Variants in ACVR1C observed in about 807,000 individuals in gnomAD.
ACVR1C encodes activin A receptor type 1C.
ACVR1C carries 23 observed loss-of-function variants against 57.9 expected under a neutral mutation model. The ratio of observed to expected loss-of-function variants is 0.40; its 90% CI spans 0.29 to 0.56. The LOEUF (loss-of-function observed/expected upper bound fraction) is 0.56. ACVR1C is among the 20% of genes least tolerant of loss of function. ACVR1C has a pLI of 0.50. For missense variants in ACVR1C, 480 were observed against 607.9 expected (o/e 0.79, Z 2.21); for synonymous variants, 214 against 215.3 (o/e 0.99, Z 0.05).
intron 3 of ACVR1C, among the ~76,000 whole-genome samples, chr2:157,550,936 T>G (rs919438358): frequency 2.0e-5 from 3 of 152,144 alleles, no homozygotes; most frequent in African/African-American, 4.8e-5. Flanking sequence ...AATGAATATT[T>G]TCTGCAGAAC....
Position 157,628,665 on chromosome 2 carries a change from G to C in ACVR1C, c.-21C>G, listed in dbSNP as rs766728517. 6 of 1,546,404 alleles carry C rather than the reference G, an allele frequency of 3.9e-6. No homozygotes were observed. The highest frequency in any genetic ancestry group is 2.4e-5 in the South Asian group (2 of 83,008). ...GTCATCGCCACCAGGCGGCCGCGCC[G>C]GGGCTGCGAGGCCCCAGAGCAGAGC... On this transcript the variant is annotated 5_prime_UTR_variant, in exon 1 of 9. Coordinates refer to ENST00000243349, the MANE Select transcript of ACVR1C (RefSeq NM_145259.3).
chr2:157,607,495 T>C lies in ACVR1C; in HGVS notation c.74-20078A>G, dbSNP rs182105157. Reference sequence around the variant, plus strand: ...TGAATTTTAGGATTTTTTTTATATTTCTGTGAAAATGACATTAGTATTTTG... The same window carrying C: ...TGAATTTTAGGATTTTTTTTATATTCCTGTGAAAATGACATTAGTATTTTG... On this transcript the variant is annotated intron_variant, in intron 1 of 8. Coordinates refer to ENST00000243349, the MANE Select transcript of ACVR1C (RefSeq NM_145259.3). 2.1e-4 allele frequency among the ~76,000 whole-genome samples: 32 copies of C among 151,932 alleles called. 1 individual carries two copies. The East Asian group carries it at 5.4e-3, about 26-fold the overall frequency.
At chr2:157,622,179 G>C (rs1682791262) in intron 1 of ACVR1C, among the ~76,000 whole-genome samples, 1 of 151,904 alleles carries the variant, frequency 6.6e-6, no homozygotes, top group South Asian at 2.1e-4. Flanking sequence ...AAAAATATAA[G>C]ACTTAGAAGA....
Position 157,577,700 on chromosome 2 carries a change from C to T in ACVR1C, c.304+9487G>A, listed in dbSNP as rs557585207. ...TTTAATTGAATTTGTTTTCTACACT[C>T]TGATAATCATTGTTTTTTAACTGGA... On this transcript the variant is annotated intron_variant, in intron 2 of 8. Coordinates refer to ENST00000243349, the MANE Select transcript of ACVR1C (RefSeq NM_145259.3). Among the ~76,000 whole-genome samples, 351 of 152,220 alleles carry T rather than the reference C, an allele frequency of 2.3e-3. 1 individual carries two copies. The highest frequency in any genetic ancestry group is 7.8e-3 in the African/African-American group (322 of 41,536).
intron 6 of ACVR1C, 109 bp from the exon 7 acceptor site, chr2:157,541,323 G>A (rs1480573881): frequency 1.6e-5 from 18 of 1,110,226 alleles, no homozygotes; most frequent in Non-Finnish European, 2.1e-5. Flanking sequence ...CAGATTTGAA[G>A]CACTATAATA....
At chr2:157,614,932 C>T (rs1193238309) in intron 1 of ACVR1C, among the ~76,000 whole-genome samples, 1 of 152,064 alleles carries the variant, frequency 6.6e-6, no homozygotes, top group African/African-American at 2.4e-5. Flanking sequence ...GCATATAGAT[C>T]TTGCTTTTTT....
intron 1 of ACVR1C, among the ~76,000 whole-genome samples, chr2:157,606,216 T>C (rs1039566537): frequency 6.6e-6 from 1 of 151,772 alleles, no homozygotes; most frequent in African/African-American, 2.4e-5. Context: ...GATGGACACT[T>C]AGGCTGAATC....
chr2:157,576,727 A>C (rs1441421388), intron 2 of ACVR1C, among the ~76,000 whole-genome samples: 1 of 152,108 alleles, frequency 6.6e-6, no homozygotes, highest in Non-Finnish European at 1.5e-5. Flanking sequence ...TTTATGCATA[A>C]AATGAGATTC....
intron 3 of ACVR1C, among the ~76,000 whole-genome samples, chr2:157,554,283 G>GGAAGGAAGGAAGGAAGGAAGGA (rs1339528061): frequency 2.7e-5 from 3 of 109,962 alleles, no homozygotes; most frequent in African/African-American, 9.2e-5. Context: ...AAGGAAGGAA[G>GGAAGGAAGGAAGGAAGGAAGGA]AGAGAGAGAG....
Position 157,560,063 on chromosome 2 carries a change from G to T in ACVR1C, c.305-3731C>A, listed in dbSNP as rs546491428. ...TTTGCAACTCTCCCTGGAGACCTGC[G>T]TGGACCTGGTGATTGTGAAAGTCAC... On this transcript the variant is annotated intron_variant, in intron 2 of 8. Coordinates refer to ENST00000243349, the MANE Select transcript of ACVR1C (RefSeq NM_145259.3). Among the ~76,000 whole-genome samples, 62 of 152,240 alleles carry T rather than the reference G, an allele frequency of 4.1e-4. No individual in the cohort carries two copies. The South Asian group carries it at 0.012, about 30-fold the overall frequency.
Position 157,628,664 on chromosome 2 carries a change from C to T in ACVR1C, c.-20G>A, listed in dbSNP as rs1183818548. ...GGTCATCGCCACCAGGCGGCCGCGC[C>T]GGGGCTGCGAGGCCCCAGAGCAGAG... On this transcript the variant is annotated 5_prime_UTR_variant, in exon 1 of 9. Transcript: ENST00000243349. 1 of 1,549,892 alleles carries T rather than the reference C, an allele frequency of 6.5e-7. No homozygotes were observed.
intron 3 of ACVR1C, among the ~76,000 whole-genome samples, chr2:157,553,205 A>C (rs1260191368): frequency 6.6e-6 from 1 of 152,178 alleles, no homozygotes; most frequent in Non-Finnish European, 1.5e-5. Context: ...CCCTCCCTAC[A>C]GGTGAGCTTT....
At chr2:157,620,466 A>C (rs1368828752) in intron 1 of ACVR1C, among the ~76,000 whole-genome samples, 1 of 152,066 alleles carries the variant, frequency 6.6e-6, no homozygotes, top group Non-Finnish European at 1.5e-5. Context: ...GTGAGATGTG[A>C]TTACTTAATA....
At chr2:157,588,069 G>A (rs1217910907) in intron 1 of ACVR1C, among the ~76,000 whole-genome samples, 1 of 151,964 alleles carries the variant, frequency 6.6e-6, no homozygotes, top group African/African-American at 2.4e-5. Flanking sequence ...CATTTGAACA[G>A]ACACCATGAC....
At chr2:157,572,904 G>A (rs1688553201) in intron 2 of ACVR1C, among the ~76,000 whole-genome samples, 1 of 152,088 alleles carries the variant, frequency 6.6e-6, no homozygotes, top group Non-Finnish European at 1.5e-5. Flanking sequence ...TTCGTGTGAT[G>A]GCAGAACAAT....
At chr2:157,617,451 T>C (rs1477149650) in intron 1 of ACVR1C, among the ~76,000 whole-genome samples, 1 of 151,970 alleles carries the variant, frequency 6.6e-6, no homozygotes, top group Non-Finnish European at 1.5e-5. Flanking sequence ...AACTAATCTA[T>C]GGTGGAATAA....
chr2:157,548,819 C>T (rs549931790), intron 4 of ACVR1C, among the ~76,000 whole-genome samples: 2 of 152,232 alleles, frequency 1.3e-5, no homozygotes, highest in South Asian at 2.1e-4. Flanking sequence ...CCTCAAGATA[C>T]AAATCATGCT....
At position 157,556,212 on chromosome 2, in the gene ACVR1C, G is replaced by T; in HGVS notation, c.425C>A (p.Ser142Tyr). The T allele has an allele frequency of 6.2e-7, 1 of 1,613,988 alleles. No individual in the cohort carries two copies. The highest frequency in any genetic ancestry group is 8.5e-7 in the Non-Finnish European group (1 of 1,179,966). ...ATTTGGTCTCTTTTTCTTCCTGTAGGAGCACTGTCGACCCTGGCATGCCCA... is the reference window on the plus strand; with the variant it reads ...ATTTGGTCTCTTTTTCTTCCTGTAGTAGCACTGTCGACCCTGGCATGCCCA... The part of the protein sequence containing the change: ...TVWACQGRQC[S>Y]YRKKKRPNVE... Residue 142 changes from serine to tyrosine, a missense_variant, in exon 3 of 9, where the codon TCC becomes TAC. Transcript: ENST00000243349.
At chr2:157,589,769 C>A (rs1689019566) in intron 1 of ACVR1C, among the ~76,000 whole-genome samples, 1 of 151,856 alleles carries the variant, frequency 6.6e-6, no homozygotes, top group South Asian at 2.1e-4. Context: ...TACCCAACTT[C>A]AAATTATACT....
Sources: allele counts gnomAD v4.1 joint callset (sites outside exome capture counted in the v4.1 genomes callset), GRCh38; gene constraint gnomAD v4.1.1; transcripts MANE v1.5; gene names NCBI Gene and HGNC (gene_info 2026-07-23, HGNC 2026-07-21).